C10orf90: variants seen among roughly 807,000 people sequenced by gnomAD.
C10orf90 encodes the protein (E2-independent) E3 ubiquitin-conjugating enzyme FATS.
C10orf90 carries 56 observed loss-of-function variants against 62.5 expected under a neutral mutation model. The ratio of observed to expected loss-of-function variants is 0.90; its 90% CI spans 0.72 to 1.12. C10orf90 has a LOEUF of 1.12. Ranked by LOEUF, C10orf90 falls within the 50% of genes most tolerant of loss-of-function variation. The pLI is 0.00. For synonymous variants in C10orf90, 386 were observed against 340.4 expected, an observed-to-expected ratio of 1.13 and a Z score of -1.47; for missense variants, 970 against 880.4, an observed-to-expected ratio of 1.10 and a Z score of -1.29.
chr10:126,545,773 T>G (rs1387510128), intron 2 of C10orf90, among the ~76,000 whole-genome samples: 5 of 152,142 alleles, frequency 3.3e-5, no homozygotes, highest in African/African-American at 1.2e-4. Flanking sequence ...GGTTCTTAAC[T>G]TTTAATAACC....
At chr10:126,558,911 T>C (rs1864839394) in intron 2 of C10orf90, among the ~76,000 whole-genome samples, 1 of 152,180 alleles carries the variant, frequency 6.6e-6, no homozygotes, top group Admixed American at 6.5e-5. Flanking sequence ...TCAGGCTGCC[T>C]GGGGAAATGT....
chr10:126,657,562 G>GA (rs1201302657), intron 1 of C10orf90, among the ~76,000 whole-genome samples: 4 of 151,538 alleles, frequency 2.6e-5, no homozygotes, highest in Non-Finnish European at 4.4e-5. Context: ...TTCCTTTGTG[G>GA]GGCTGTGCTT....
At chr10:126,489,681 C>A (rs1236071385) in intron 4 of C10orf90, among the ~76,000 whole-genome samples, 1 of 151,786 alleles carries the variant, frequency 6.6e-6, no homozygotes, top group African/African-American at 2.4e-5. Context: ...CTCAAAATAT[C>A]AAAAATAGAA....
chr10:126,609,928 C>T (rs187660741), intron 2 of C10orf90, among the ~76,000 whole-genome samples: 7 of 152,154 alleles, frequency 4.6e-5, no homozygotes, highest in African/African-American at 1.7e-4. Context: ...GTTCTTCTTG[C>T]CTGGGTAGAC....
Position 126,528,134 on chromosome 10 carries a change from C to G in C10orf90, c.314-14195G>C, listed in dbSNP as rs534881004. 3.3e-5 allele frequency among the ~76,000 whole-genome samples: 5 copies of G among 152,186 alleles called. No individual in the cohort carries two copies. The East Asian group carries it at 9.7e-4, about 29-fold the overall frequency. On this transcript the variant is annotated intron_variant, in intron 2 of 9. Transcript: ENST00000488181. Reference sequence around the variant, plus strand: ...GCTCTCCTGCCAGGTCCCAGTATGGCCTTTCCTTTGTCTCTGCTATGTAGA... The same window carrying G: ...GCTCTCCTGCCAGGTCCCAGTATGGGCTTTCCTTTGTCTCTGCTATGTAGA...
In C10orf90 at chr10:126,504,604, G is replaced by A. The variant is rs1455030805; in HGVS notation, c.887C>T (p.Ser296Phe). The change falls in exon 4 of 10, where the codon TCC becomes TTC. Residue 296 changes from serine (S) to phenylalanine (F), a missense_variant. Transcript: ENST00000488181. The surrounding 1 kb of genome is among the most constrained non-coding windows in gnomAD (Gnocchi z 4.1). The stretch of plus-strand genomic sequence containing the variant: ...CAGCCGCACCACGGAGCTGTTTCTG[G>A]AGAACTCTGTGCAGGCAAAAGATCT... Reference protein sequence around the residue: ...HQRSFACTEFSRNSSVVRLKV... With the variant: ...HQRSFACTEFFRNSSVVRLKV... 1 of 1,614,226 alleles carries A rather than the reference G, an allele frequency of 6.2e-7. No individual in the cohort carries two copies. The highest frequency in any genetic ancestry group is 1.1e-5 in the South Asian group (1 of 91,092).
chr10:126,432,606 G>C (rs561655753), intron 7 of C10orf90, among the ~76,000 whole-genome samples: 2 of 152,330 alleles, frequency 1.3e-5, no homozygotes, highest in East Asian at 1.9e-4. Flanking sequence ...AATGACCAAA[G>C]AGCCAACTGT....
intron 4 of C10orf90, among the ~76,000 whole-genome samples, chr10:126,490,014 TATATATAATATATA>T (rs71687088): frequency 0.065 from 6,031 of 92,480 alleles, 560 homozygotes; most frequent in African/African-American, 0.22. Context: ...TTATATATAT[TATATATAATATATA>T]ATATATAATA....
At chr10:126,514,358 T>C (rs1446735751) in intron 2 of C10orf90, among the ~76,000 whole-genome samples, 2 of 152,142 alleles carry the variant, frequency 1.3e-5, no homozygotes, top group African/African-American at 4.8e-5. Flanking sequence ...GCAACCATCA[T>C]TGGAGGGGTC....
At chr10:126,451,714 A>C (rs993040585) in intron 7 of C10orf90, among the ~76,000 whole-genome samples, 3 of 152,124 alleles carry the variant, frequency 2.0e-5, no homozygotes, top group Non-Finnish European at 4.4e-5. Flanking sequence ...ATACACACAC[A>C]TACATACACA....
rs141322384 is a variant in C10orf90 at position 126,510,206 on chromosome 10, A to G, written c.405+3642T>C. ...AGAAAGTAGAGGATAGGACTTCAAC[A>G]TATAAATTTAGTGGGGGTAGTGGGG... On this transcript the variant is annotated intron_variant, in intron 3 of 9. Transcript: ENST00000488181. Among the ~76,000 whole-genome samples the G allele has an allele frequency of 2.0e-4, 30 of 152,274 alleles. No individual in the cohort carries two copies. In the East Asian group the frequency reaches 3.5e-3, roughly 18 times the overall value.
At chr10:126,521,188 C>G (rs1389861548) in intron 2 of C10orf90, 2 of 1,229,224 alleles carry the variant, frequency 1.6e-6, no homozygotes, top group East Asian at 5.0e-5. Flanking sequence ...TCTCCTTTCC[C>G]CTGGGGCCTC....
In C10orf90 at chr10:126,649,028, G is replaced by GTCTC. The variant is rs1224800410; in HGVS notation, c.241-2395_241-2392dup. Among the ~76,000 whole-genome samples the GTCTC allele has an allele frequency of 5.8e-5, 6 of 102,848 alleles. 1 individual carries two copies. Among genetic ancestry groups the GTCTC allele is most frequent in the African/African-American group, 2.2e-4 (5 of 23,250 alleles). The allele number at this position is 102,848 out of a possible 152,430, so 67.5% of individuals were successfully genotyped here. A position where few individuals can be genotyped will look rare whatever the true frequency, so the allele number is the denominator to read the frequency against. ...ACAGATGATATCTCTCTCTCTCTCT[G>GTCTC]TCTCTGTCTCTCTCTCTCTCTCTCT... On this transcript the variant is annotated intron_variant, in intron 1 of 9. Coordinates refer to ENST00000488181, the MANE Select transcript of C10orf90 (RefSeq NM_001350921.2).
intron 2 of C10orf90, among the ~76,000 whole-genome samples, chr10:126,519,244 A>T (rs1475575744): frequency 2.0e-5 from 3 of 152,252 alleles, no homozygotes; most frequent in African/African-American, 7.2e-5. Flanking sequence ...AAGATAAAGT[A>T]TGAAAGCAGA....
At chr10:126,521,571 G>A in intron 2 of C10orf90, 1 of 780,894 alleles carries the variant, frequency 1.3e-6, no homozygotes, top group Non-Finnish European at 1.8e-6. Context: ...TTTCTTGTTA[G>A]CAGCAATCGT....
intron 2 of C10orf90, among the ~76,000 whole-genome samples, chr10:126,566,609 A>C (rs551447336): frequency 5.9e-5 from 9 of 152,308 alleles, no homozygotes; most frequent in African/African-American, 2.2e-4. Context: ...GGGCTGGTGC[A>C]ATAGCCTGGG....
chr10:126,482,947 A>T (rs952925294), intron 4 of C10orf90, among the ~76,000 whole-genome samples: 3 of 152,252 alleles, frequency 2.0e-5, no homozygotes, highest in Admixed American at 2.0e-4. Context: ...ATTTTAAGTT[A>T]TCTGCATTTG....
At chr10:126,503,830 A>G in intron 4 of C10orf90, 127 bp downstream of exon 4, 1 of 1,167,056 alleles carries the variant, frequency 8.6e-7, no homozygotes, top group Non-Finnish European at 1.2e-6. Context: ...CTATGAGCAG[A>G]GCAGATCACT....
rs139299216 is a variant in C10orf90 at position 126,657,035 on chromosome 10, C to A, written c.241-10398G>T. Among the ~76,000 whole-genome samples the A allele has an allele frequency of 6.4e-3, 974 of 152,252 alleles. 13 individuals are homozygous for A. The highest frequency in any genetic ancestry group is 0.022 in the African/African-American group (933 of 41,534). On this transcript the variant is annotated intron_variant, in intron 1 of 9. Transcript: ENST00000488181. ...GCATTCATACTTTGTGTTCTGTAAA[C>A]ACAGGTAAGTGCAGAGCCAGTTTCA...
Sources: gnomAD v4.1 joint callset for allele counts (sites outside exome capture counted in the v4.1 genomes callset) on GRCh38, gnomAD v4.1.1 for gene constraint, Gnocchi (gnomAD v3.1) non-coding constraint, MANE v1.5 for transcripts, NCBI Gene and HGNC (gene_info 2026-07-23, HGNC 2026-07-21) for gene names.